The following WDR70 variants were observed in gnomAD, a reference collection of about 807,000 sequenced individuals.
WDR70 encodes WD repeat-containing protein 70.
In WDR70, 53 loss-of-function variants were observed where a neutral mutation model predicts 88.6. The ratio of observed to expected loss-of-function variants is 0.60; its 90% CI spans 0.48 to 0.75. The LOEUF (loss-of-function observed/expected upper bound fraction) is 0.75. Ranked by LOEUF, WDR70 falls within the 30% of genes least tolerant of loss-of-function variation. The pLI, the probability that WDR70 is intolerant of heterozygous loss-of-function variation, is 0.00. For missense variants in WDR70, 610 were observed against 823.2 expected, an observed-to-expected ratio of 0.74 and a Z score of 3.17; for synonymous variants, 280 against 270.0, an observed-to-expected ratio of 1.04 and a Z score of -0.36.
chr5:37,507,012 C>T (rs531270593), intron 8 of WDR70, among the ~76,000 whole-genome samples: 1 of 152,206 alleles, frequency 6.6e-6, no homozygotes, highest in Non-Finnish European at 1.5e-5. Context: ...CACACAGGCA[C>T]TCTGTCCCAC....
chr5:37,387,188 A>G (rs1254278592), intron 3 of WDR70, among the ~76,000 whole-genome samples: 1 of 151,950 alleles, frequency 6.6e-6, no homozygotes. Context: ...CCCACAGTCT[A>G]CTAGATGAGT....
intron 8 of WDR70, chr5:37,506,349 T>A: frequency 1.1e-6 from 1 of 877,748 alleles, no homozygotes; most frequent in Non-Finnish European, 2.0e-6. Flanking sequence ...TCTTGCTTCT[T>A]CTAACACACC....
intron 10 of WDR70, among the ~76,000 whole-genome samples, chr5:37,676,465 G>A (rs1206502884): frequency 6.6e-6 from 1 of 152,078 alleles, no homozygotes; most frequent in Admixed American, 6.5e-5. Context: ...TTTTGTCAAA[G>A]GCCTTTTCTG....
intron 8 of WDR70, among the ~76,000 whole-genome samples, chr5:37,485,958 G>A (rs181938631): frequency 2.8e-3 from 412 of 146,922 alleles, no homozygotes; most frequent in African/African-American, 9.9e-3. Context: ...CAAGTGATCC[G>A]CCTGCCTTGG....
At chr5:37,439,639 T>C (rs1318968937) in intron 6 of WDR70, among the ~76,000 whole-genome samples, 1 of 151,888 alleles carries the variant, frequency 6.6e-6, no homozygotes, top group African/African-American at 2.4e-5. Context: ...TTTTTTTTTT[T>C]TTTGCAATCC....
intron 10 of WDR70, among the ~76,000 whole-genome samples, chr5:37,681,049 A>G (rs1400296263): frequency 6.6e-6 from 1 of 152,150 alleles, no homozygotes; most frequent in Non-Finnish European, 1.5e-5. Context: ...TTTTCTTGAT[A>G]CTGACTCTTC....
chr5:37,524,814 G>T (rs562310909), intron 9 of WDR70, among the ~76,000 whole-genome samples: 2 of 151,934 alleles, frequency 1.3e-5, no homozygotes, highest in African/African-American at 4.8e-5. Context: ...AAAACAAAAA[G>T]GTAGGGGTTG....
intron 8 of WDR70, among the ~76,000 whole-genome samples, chr5:37,486,265 A>C (rs1298125043): frequency 6.6e-6 from 1 of 152,172 alleles, no homozygotes; most frequent in Non-Finnish European, 1.5e-5. Context: ...TCAAACCCTC[A>C]TAAGGATCAC....
At chr5:37,398,998 G>T (rs941711183) in intron 5 of WDR70, among the ~76,000 whole-genome samples, 1 of 152,064 alleles carries the variant, frequency 6.6e-6, no homozygotes, top group Non-Finnish European at 1.5e-5. Flanking sequence ...ACAAAAATAG[G>T]CTGGGCGTAG....
chr5:37,644,868 T>C (rs1745193278), intron 10 of WDR70, among the ~76,000 whole-genome samples: 1 of 151,940 alleles, frequency 6.6e-6, no homozygotes, highest in Non-Finnish European at 1.5e-5. Flanking sequence ...TGTCTTTTTT[T>C]GTTAATTTTT....
At chr5:37,486,411 T>C (rs4323257) in intron 8 of WDR70, among the ~76,000 whole-genome samples, 90,144 of 151,072 alleles carry the variant, frequency 0.6, 28,269 homozygotes, top group Non-Finnish European at 0.69. Context: ...TGGCATGATC[T>C]CGGCTCACTA....
At chr5:37,637,919 C>T (rs1412746127) in intron 10 of WDR70, among the ~76,000 whole-genome samples, 2 of 152,140 alleles carry the variant, frequency 1.3e-5, no homozygotes, top group Admixed American at 1.3e-4. Context: ...TTTGTGGCAG[C>T]AGGAGTAGTG....
intron 10 of WDR70, among the ~76,000 whole-genome samples, chr5:37,639,584 A>G (rs769363301): frequency 4.6e-5 from 7 of 152,036 alleles, no homozygotes; most frequent in Non-Finnish European, 1.0e-4. Context: ...TTGTTGTACA[A>G]TTCTGCCCAT....
At chr5:37,415,638 C>A (rs377405382) in intron 5 of WDR70, among the ~76,000 whole-genome samples, 2 of 146,156 alleles carry the variant, frequency 1.4e-5, no homozygotes, top group East Asian at 4.2e-4. Flanking sequence ...CCCTCCCGGA[C>A]GGGGCGGCTG....
intron 9 of WDR70, among the ~76,000 whole-genome samples, chr5:37,602,730 G>A (rs1440182173): frequency 6.6e-6 from 1 of 152,032 alleles, no homozygotes; most frequent in Admixed American, 6.6e-5. Flanking sequence ...TGTAATCCCA[G>A]CACTTTGAGA....
intron 10 of WDR70, among the ~76,000 whole-genome samples, chr5:37,619,366 ACT>A (rs369768931): frequency 1.8e-3 from 268 of 151,992 alleles, no homozygotes; most frequent in African/African-American, 6.1e-3. Flanking sequence ...AAATGTTCAG[ACT>A]CTCTGCAGGA....
intron 8 of WDR70, among the ~76,000 whole-genome samples, chr5:37,488,332 A>G (rs1330031476): frequency 2.6e-5 from 4 of 151,648 alleles, no homozygotes; most frequent in East Asian, 1.9e-4. Context: ...TTGTATCTGT[A>G]TGTCTAAGTC....
chr5:37,721,132 G>A lies in WDR70; in HGVS notation c.1434G>A (p.Leu478=), dbSNP rs1747800297. Residue 478 remains leucine, a synonymous_variant, in exon 14 of 18, where the codon CTG becomes CTA. Transcript: ENST00000265107. ...DITDASVVRC[L]WHPKLNQIMV... is the part of the protein sequence containing the mutation. The stretch of plus-strand genomic sequence containing the variant: ...CTTTGCAGAGTGTTGTTCGCTGCCT[G>A]TGGCATCCAAAGCTGAACCAGATCA... 2 of 1,613,724 alleles carry A rather than the reference G, an allele frequency of 1.2e-6. No individual in the cohort carries two copies. Among genetic ancestry groups the A allele is most frequent in the South Asian group, 1.1e-5 (1 of 91,074 alleles).
chr5:37,427,998 T>C (rs1750186291), intron 5 of WDR70, among the ~76,000 whole-genome samples: 1 of 149,822 alleles, frequency 6.7e-6, no homozygotes, highest in South Asian at 2.1e-4. Flanking sequence ...TGGGAAGAGA[T>C]GTATCCTCCT....
Sources: allele counts gnomAD v4.1 joint callset (sites outside exome capture counted in the v4.1 genomes callset), GRCh38; gene constraint gnomAD v4.1.1; transcripts MANE v1.5; gene names NCBI Gene and HGNC (gene_info 2026-07-23, HGNC 2026-07-21).